ZNF469: variants seen among roughly 807,000 people sequenced by gnomAD.
ZNF469 encodes the protein zinc finger protein 469.
A neutral mutation model predicts 1.0 loss-of-function variants in ZNF469; 1 was observed. The observed-to-expected ratio is 1.00, with a 90% CI of 0.35 to 4.73. The LOEUF (loss-of-function observed/expected upper bound fraction) is 4.73, where lower values mean the gene tolerates loss of function less well. Among genes scored for constraint, ZNF469 ranks in the 30% most tolerant of loss-of-function variants. ZNF469 has a pLI of 0.16. For synonymous variants in ZNF469, 2,703 were observed against 2,363.4 expected (o/e 1.14, Z -4.17); for missense variants, 6,100 against 5,356.3 (o/e 1.14, Z -4.33).
rs2092535631 is a variant in ZNF469 at position 88,385,799 on chromosome 16, G to C, written c.-192+2545G>C. Among the ~76,000 whole-genome samples, 3 of 152,104 alleles carry C rather than the reference G, an allele frequency of 2.0e-5. No homozygotes were observed. The South Asian group carries it at 6.2e-4, about 32-fold the overall frequency. On this transcript the variant is annotated intron_variant, in intron 1 of 2. Transcript: ENST00000565624. The stretch of plus-strand genomic sequence containing the variant: ...TTGGGTGAGTGACCAAACCCCTCTG[G>C]GACTTTATTTCTCATCAGAAAAATG...
Position 88,433,766 on chromosome 16 carries a change from C to G in ZNF469, c.6296C>G (p.Thr2099Arg), listed in dbSNP as rs1906367743. The G allele has an allele frequency of 1.3e-6, 2 of 1,549,566 alleles. No individual in the cohort carries two copies. Among genetic ancestry groups the G allele is most frequent in the Non-Finnish European group, 8.7e-7 (1 of 1,146,886 alleles). Residue 2099 changes from threonine to arginine, a missense_variant, in exon 3 of 3, where the codon ACA becomes AGA. Transcript: ENST00000565624. ...SPGLNKPLLA[T>R]GDSPAPSVGD... ...GGCCTGAACAAGCCACTGCTGGCCA[C>G]AGGGGATAGCCCAGCACCCTCTGTC...
chr16:88,350,522 C>T, the ZNF469 span, among the ~76,000 whole-genome samples: 6 of 152,352 alleles, frequency 3.9e-5, no homozygotes, highest in African/African-American at 7.2e-5. Flanking sequence ...GTTTCCCCTC[C>T]GGAAGATGGC....
intron 1 of ZNF469, among the ~76,000 whole-genome samples, chr16:88,384,500 C>G (rs978343325): frequency 2.6e-5 from 4 of 152,218 alleles, no homozygotes; most frequent in African/African-American, 9.6e-5. Context: ...GGCAGCCAGG[C>G]ACCCTCGGAG....
At chr16:88,334,281 G>A in the ZNF469 span, among the ~76,000 whole-genome samples, 6 of 152,068 alleles carry the variant, frequency 3.9e-5, no homozygotes, top group Admixed American at 3.9e-4. Context: ...TGCCCCCTTT[G>A]AAAAAAATTC....
the ZNF469 span, among the ~76,000 whole-genome samples, chr16:88,218,760 C>A: frequency 5.3e-5 from 8 of 151,908 alleles, no homozygotes; most frequent in African/African-American, 1.9e-4. Flanking sequence ...GTTGGAAGTT[C>A]TGGCCAGGGC....
At chr16:88,299,804 T>C in the ZNF469 span, among the ~76,000 whole-genome samples, 2 of 151,960 alleles carry the variant, frequency 1.3e-5, no homozygotes, top group African/African-American at 2.4e-5. Flanking sequence ...GGCCCAGGAG[T>C]TGCCTGACCC....
chr16:88,106,941 C>T, the ZNF469 span, among the ~76,000 whole-genome samples: 1 of 152,248 alleles, frequency 6.6e-6, no homozygotes, highest in African/African-American at 2.4e-5. Context: ...CCCTCTAGAT[C>T]CCAGAAACTG....
chr16:88,336,218 G>A, the ZNF469 span, among the ~76,000 whole-genome samples: 27 of 125,340 alleles, frequency 2.2e-4, no homozygotes, highest in Non-Finnish European at 3.5e-4. Context: ...CCAATACCAC[G>A]CACGTTCATC....
intron 1 of ZNF469, among the ~76,000 whole-genome samples, chr16:88,423,911 C>T (rs528404550): frequency 3.5e-4 from 53 of 152,352 alleles, no homozygotes; most frequent in African/African-American, 1.2e-3. Context: ...AGCAGTGAGG[C>T]GGTAAGCTCA....
At chr16:88,369,136 C>T in the ZNF469 span, among the ~76,000 whole-genome samples, 1 of 151,962 alleles carries the variant, frequency 6.6e-6, no homozygotes, top group Non-Finnish European at 1.5e-5. Flanking sequence ...ATGTACCAGG[C>T]CCTGCATCCT....
the ZNF469 span, among the ~76,000 whole-genome samples, chr16:88,210,076 T>C: frequency 6.6e-6 from 1 of 152,252 alleles, no homozygotes; most frequent in African/African-American, 2.4e-5. Context: ...CGCTGCTACA[T>C]TGTTGCAGTC....
the ZNF469 span, among the ~76,000 whole-genome samples, chr16:88,183,612 G>T: frequency 6.6e-6 from 1 of 152,278 alleles, no homozygotes; most frequent in South Asian, 2.1e-4. Context: ...GGTGGTGGTT[G>T]GAGGCCGGGA....
Position 88,437,823 on chromosome 16 carries a change from C to A in ZNF469, c.10353C>A (p.Arg3451=), listed in dbSNP as rs1253990188. The A allele has an allele frequency of 1.9e-6, 3 of 1,542,314 alleles. No individual in the cohort carries two copies. In the East Asian group the frequency reaches 7.4e-5, roughly 38 times the overall value. Residue 3451 remains arginine, a synonymous_variant, in exon 3 of 3, where the codon CGC becomes CGA. Transcript: ENST00000565624. ...LRGGRQPFAF[R]GVRRPGAPGQ... ...GGGGGCGGCAGCCCTTCGCGTTCCG[C>A]GGCGTGCGGAGGCCGGGAGCGCCGG...
the ZNF469 span, among the ~76,000 whole-genome samples, chr16:88,286,622 A>G: frequency 6.6e-6 from 1 of 152,254 alleles, no homozygotes; most frequent in Non-Finnish European, 1.5e-5. Context: ...GAGGACAGGA[A>G]CATTCTGCAT....
chr16:88,125,463 C>G, the ZNF469 span, among the ~76,000 whole-genome samples: 1 of 152,222 alleles, frequency 6.6e-6, no homozygotes, highest in African/African-American at 2.4e-5. Context: ...ATGTCGGTTT[C>G]TACAAAAATA....
the ZNF469 span, among the ~76,000 whole-genome samples, chr16:88,163,961 CGGGGTAAGTGGATGAAT>C: frequency 8.0e-6 from 1 of 124,838 alleles, no homozygotes; most frequent in Non-Finnish European, 1.7e-5. Flanking sequence ...GCTGGATGAG[CGGGGTAAGTGGATGAAT>C]GATTGGGTAG....
At chr16:88,325,946 T>C in the ZNF469 span, among the ~76,000 whole-genome samples, 20 of 152,328 alleles carry the variant, frequency 1.3e-4, no homozygotes, top group East Asian at 2.3e-3. Context: ...CTGTGAGCAA[T>C]AGAGCTAACA....
chr16:88,366,006 A>G, the ZNF469 span, among the ~76,000 whole-genome samples: 4 of 152,230 alleles, frequency 2.6e-5, no homozygotes, highest in African/African-American at 9.6e-5. Context: ...ACTATGTGTT[A>G]CAATTAAGAT....
the ZNF469 span, among the ~76,000 whole-genome samples, chr16:88,328,060 C>G: frequency 1.5e-4 from 23 of 152,334 alleles, no homozygotes; most frequent in Non-Finnish European, 4.4e-5. Context: ...CCCACAGACA[C>G]AGAAGGGCAC....
Sources: gnomAD v4.1 joint callset for allele counts (sites outside exome capture counted in the v4.1 genomes callset) on GRCh38, gnomAD v4.1.1 for gene constraint, MANE v1.5 for transcripts, NCBI Gene and HGNC (gene_info 2026-07-23, HGNC 2026-07-21) for gene names.